Variants in EPHA1 observed in about 807,000 individuals in gnomAD.
The protein encoded by EPHA1 is ephrin type-A receptor 1.
In EPHA1, 92 loss-of-function variants were observed where a neutral mutation model predicts 110.1. The ratio of observed to expected loss-of-function variants is 0.84; its 90% CI spans 0.71 to 0.99. The LOEUF is 0.99. Ranked by LOEUF, EPHA1 falls within the 50% of genes least tolerant of loss-of-function variation. The probability of loss-of-function intolerance (pLI) is 0.00; values close to 1 mark genes in which losing one functional copy is unlikely to be tolerated. For missense variants in EPHA1, 1,204 were observed against 1,285.4 expected (o/e 0.94, Z 0.97); for synonymous variants, 500 against 516.1 (o/e 0.97, Z 0.42).
intron 17 of EPHA1, 41 bp downstream of exon 17, chr7:143,391,579 C>T (rs1805083796): frequency 1.2e-6 from 2 of 1,614,012 alleles, no homozygotes; most frequent in South Asian, 1.1e-5. Flanking sequence ...GAGGCTCCAC[C>T]CCCGCAGCCC....
Position 143,401,317 on chromosome 7 carries a change from G to A in EPHA1, c.432+7C>T. The A allele has an allele frequency of 6.2e-7, 1 of 1,612,872 alleles. No homozygotes were observed. Among genetic ancestry groups the A allele is most frequent in the Non-Finnish European group, 8.5e-7 (1 of 1,179,562 alleles). On this transcript the variant is annotated splice_region_variant and intron_variant, in intron 3 of 17. Transcript: ENST00000275815. This position sits in a 1 kb window ranked among gnomAD's most constrained non-coding sequence, Gnocchi z 4.1. ...CAGGACCCAGATGGCATGGAGGGAA[G>A]CAGCACCTTCTGGAACAAGGGCCGT...
chr7:143,402,014 T>C (rs7791765), intron 2 of EPHA1, among the ~76,000 whole-genome samples: 3 of 151,974 alleles, frequency 2.0e-5, no homozygotes, highest in Non-Finnish European at 4.4e-5. Flanking sequence ...AAGCTCACTA[T>C]AGCCTCAAAC....
At chr7:143,392,640 G>T (rs180882267) in intron 16 of EPHA1, among the ~76,000 whole-genome samples, 3 of 151,692 alleles carry the variant, frequency 2.0e-5, no homozygotes, top group Admixed American at 2.0e-4. Flanking sequence ...CCTGTGGACA[G>T]CTTTTAAGAA....
At chr7:143,400,598 G>A (rs1335753624) in intron 3 of EPHA1, among the ~76,000 whole-genome samples, 2 of 152,210 alleles carry the variant, frequency 1.3e-5, no homozygotes, top group Non-Finnish European at 2.9e-5. Flanking sequence ...CTAGCCTGCA[G>A]GGAATTGTCT....
chr7:143,395,313 TC>T lies in EPHA1; in HGVS notation c.2083+5del. ...GCCCCCAGCTGAGGGAGACCACTCA[TC>T]GTACGCTTTGTGACGACGCCTTCCA... is the stretch of plus-strand genomic sequence containing the variant. On this transcript the variant is annotated splice_donor_5th_base_variant and intron_variant, in intron 12 of 17. Coordinates refer to ENST00000275815, the MANE Select transcript of EPHA1 (RefSeq NM_005232.5). The surrounding 1 kb of genome is among the most constrained non-coding windows in gnomAD (Gnocchi z 4.7). 6.2e-7 allele frequency: 1 copy of T among 1,614,162 alleles called. No individual in the cohort carries two copies. Among genetic ancestry groups the T allele is most frequent in the Non-Finnish European group, 8.5e-7 (1 of 1,180,022 alleles).
chr7:143,400,098 G>T (rs369149076), intron 3 of EPHA1, 45 bp from the exon 4 acceptor site: 2 of 1,538,996 alleles, frequency 1.3e-6, no homozygotes, highest in African/African-American at 1.4e-5. Flanking sequence ...GCAAAGTCCT[G>T]CTTCTTTCCC....
At position 143,401,053 on chromosome 7, in the gene EPHA1, C is replaced by T; in HGVS notation, c.432+271G>A. The T allele has an allele frequency of 2.1e-6, 1 of 474,618 alleles. No homozygotes were observed. Among genetic ancestry groups the T allele is most frequent in the Non-Finnish European group, 3.8e-6 (1 of 261,872 alleles). The allele number at this position is 474,618 out of a possible 1,614,324, so 29.4% of individuals were successfully genotyped here. On this transcript the variant is annotated intron_variant, in intron 3 of 17. Coordinates refer to ENST00000275815, the MANE Select transcript of EPHA1 (RefSeq NM_005232.5). This position sits in a 1 kb window ranked among gnomAD's most constrained non-coding sequence, Gnocchi z 4.1. Reference sequence around the variant, plus strand: ...GGACTACAGGTATGGGCCACCATGCCCAGGTGATTTTTAATTTTTTGCAGA... The same window carrying T: ...GGACTACAGGTATGGGCCACCATGCTCAGGTGATTTTTAATTTTTTGCAGA...
At chr7:143,405,509 T>C (rs1310298719) in intron 2 of EPHA1, among the ~76,000 whole-genome samples, 2 of 151,846 alleles carry the variant, frequency 1.3e-5, no homozygotes, top group Admixed American at 6.6e-5. Context: ...ATAGTGGGAG[T>C]GTATGACTGC....
chr7:143,395,475 G>C lies in EPHA1; in HGVS notation c.1927C>G (p.Leu643Val). The C allele has an allele frequency of 6.2e-7, 1 of 1,614,198 alleles. No individual in the cohort carries two copies. Among genetic ancestry groups the C allele is most frequent in the Non-Finnish European group, 8.5e-7 (1 of 1,180,046 alleles). ...TTGCAGTCCTGGCTGGGGAGCCTCA[G>C]GGTCCCTCGATACACTTCCCCAAAC... ...GEFGEVYRGT[L>V]RLPSQDCKTV... Residue 643 changes from leucine to valine, a missense_variant, in exon 12 of 18, where the codon CTG (leucine) becomes GTG (valine). By Grantham distance (32) the Leu-to-Val change is conservative. Transcript: ENST00000275815. This position sits in a 1 kb window ranked among gnomAD's most constrained non-coding sequence, Gnocchi z 4.7.
chr7:143,395,306 C>A lies in EPHA1; in HGVS notation c.2083+13G>T, dbSNP rs994750699. 6.2e-7 allele frequency: 1 copy of A among 1,614,136 alleles called. No individual in the cohort carries two copies. The highest frequency in any genetic ancestry group is 8.5e-7 in the Non-Finnish European group (1 of 1,180,008). ...ATTTCCCGCCCCCAGCTGAGGGAGA[C>A]CACTCATCGTACGCTTTGTGACGAC... On this transcript the variant is annotated intron_variant, in intron 12 of 17. Coordinates refer to ENST00000275815, the MANE Select transcript of EPHA1 (RefSeq NM_005232.5). The surrounding 1 kb of genome is among the most constrained non-coding windows in gnomAD (Gnocchi z 4.7).
rs761922296 is a variant in EPHA1 at position 143,401,467 on chromosome 7, C to A, written c.289G>T (p.Val97Leu). ...TCCCGCACGGTGAACTGCAGCTCCACGTGGACGCGGGAAGCCTCCTCCCCG... is the reference window on the plus strand; with the variant it reads ...TCCCGCACGGTGAACTGCAGCTCCAAGTGGACGCGGGAAGCCTCCTCCCCG... ...YRGEEASRVH[V>L]ELQFTVRDCK... Residue 97 changes from valine (V) to leucine (L), a missense_variant, in exon 3 of 18, where the codon GTG becomes TTG. Physicochemically the swap from Val to Leu is conservative, Grantham distance 32. Transcript: ENST00000275815. The surrounding 1 kb of genome is among the most constrained non-coding windows in gnomAD (Gnocchi z 4.1). 6.2e-7 allele frequency: 1 copy of A among 1,614,106 alleles called. No individual in the cohort carries two copies. Among genetic ancestry groups the A allele is most frequent in the African/African-American group, 1.3e-5 (1 of 75,050 alleles).
At position 143,406,593 on chromosome 7, in the gene EPHA1, T is replaced by C. The variant is rs528642206; in HGVS notation, c.150+1018A>G. Reference sequence around the variant, plus strand: ...TGGAACAGAAGTATAGGTGACAACATGTTACTTGTGATTGTTGTCTAGAGG... The same window carrying C: ...TGGAACAGAAGTATAGGTGACAACACGTTACTTGTGATTGTTGTCTAGAGG... On this transcript the variant is annotated intron_variant, in intron 2 of 17. Coordinates refer to ENST00000275815, the MANE Select transcript of EPHA1 (RefSeq NM_005232.5). Among the ~76,000 whole-genome samples the C allele has an allele frequency of 1.6e-4, 25 of 152,314 alleles. No individual in the cohort carries two copies. The South Asian group carries it at 4.1e-3, about 25-fold the overall frequency.
intron 2 of EPHA1, among the ~76,000 whole-genome samples, chr7:143,402,826 T>C (rs1300391149): frequency 5.3e-5 from 8 of 152,148 alleles, no homozygotes; most frequent in Non-Finnish European, 1.0e-4. Context: ...CCTTTAATCA[T>C]TATACCTCTG....
intron 10 of EPHA1, chr7:143,396,751 C>T: frequency 4.4e-6 from 2 of 454,316 alleles, no homozygotes; most frequent in South Asian, 2.7e-5. Flanking sequence ...CCAGGATCCA[C>T]ACCCGCAGAG....
intron 16 of EPHA1, among the ~76,000 whole-genome samples, chr7:143,392,935 C>T (rs1041467844): frequency 2.0e-5 from 3 of 152,012 alleles, no homozygotes; most frequent in African/African-American, 7.2e-5. Context: ...GAGCAAGACT[C>T]CGTCTCGGGG....
chr7:143,407,853 G>A, intron 1 of EPHA1, 175 bp from the exon 2 acceptor site: 2 of 497,826 alleles, frequency 4.0e-6, no homozygotes, highest in South Asian at 6.8e-5. Flanking sequence ...AAGAGCTCCA[G>A]GGATTTCACT....
Position 143,395,784 on chromosome 7 carries a change from G to A in EPHA1, c.1898-280C>T, listed in dbSNP as rs1805228031. Among the ~76,000 whole-genome samples the A allele has an allele frequency of 6.6e-6, 1 of 152,246 alleles. No homozygotes were observed. Among genetic ancestry groups the A allele is most frequent in the Non-Finnish European group, 1.5e-5 (1 of 68,046 alleles). Reference sequence around the variant, plus strand: ...CTGCAGGGTGAATGAACCCTGTGGAGCGGGACTGGGCCGTGCTCATGAAGA... The same window carrying A: ...CTGCAGGGTGAATGAACCCTGTGGAACGGGACTGGGCCGTGCTCATGAAGA... On this transcript the variant is annotated intron_variant, in intron 11 of 17. Coordinates refer to ENST00000275815, the MANE Select transcript of EPHA1 (RefSeq NM_005232.5). This position sits in a 1 kb window ranked among gnomAD's most constrained non-coding sequence, Gnocchi z 4.7.
Position 143,399,955 on chromosome 7 carries a change from G to T in EPHA1, c.531C>A (p.Thr177=). The T allele has an allele frequency of 2.5e-6, 4 of 1,613,806 alleles. No individual in the cohort carries two copies. Among genetic ancestry groups the T allele is most frequent in the Non-Finnish European group, 3.4e-6 (4 of 1,179,862 alleles). The change falls in exon 4 of 18, where the codon ACC becomes ACA. Residue 177 remains threonine, a synonymous_variant. Transcript: ENST00000275815. ...GGAAAGCGAGGTAGAGGCCACGGCG[G>T]GTCAGGCGGCCCAGAGAGCAGCGCT... ...NVERCSLGRL[T]RRGLYLAFHN...
In EPHA1 at chr7:143,391,686, C is replaced by T. The variant is rs201365734; in HGVS notation, c.2786G>A (p.Arg929His). 496 of 1,614,046 alleles carry T rather than the reference C, an allele frequency of 3.1e-4. 2 individuals carry two copies. Among genetic ancestry groups the T allele is most frequent in the Middle Eastern group, 1.3e-3 (8 of 6,062 alleles). ...SEWLESIRMK[R>H]YILHFHSAGL... ...AGCCGAGTGGAAGTGCAGGATGTAG[C>T]GTTTCATGCGTATGGACTCGAGCCA... The change falls in exon 17 of 18, where the codon CGC (arginine) becomes CAC (histidine). Residue 929 changes from arginine (R) to histidine (H), a missense_variant. Coordinates refer to ENST00000275815, the MANE Select transcript of EPHA1 (RefSeq NM_005232.5).
Sources: allele counts gnomAD v4.1 joint callset (sites outside exome capture counted in the v4.1 genomes callset), GRCh38; gene constraint gnomAD v4.1.1; non-coding constraint Gnocchi (gnomAD v3.1); transcripts MANE v1.5; gene names NCBI Gene and HGNC (gene_info 2026-07-23, HGNC 2026-07-21).